Variants in ZNF627 observed in about 807,000 individuals in gnomAD.
ZNF627 encodes the protein zinc finger protein 627.
ZNF627 carries 12 observed loss-of-function variants against 10.6 expected under a neutral mutation model. The ratio of observed to expected loss-of-function variants is 1.13; its 90% CI spans 0.73 to 1.84. The LOEUF is 1.84. Ranked by LOEUF, ZNF627 falls within the 40% of genes most tolerant of loss-of-function variation. The probability of loss-of-function intolerance (pLI) is 0.00; values close to 1 mark genes in which losing one functional copy is unlikely to be tolerated. For missense variants in ZNF627, 504 were observed against 568.4 expected (o/e 0.89, Z 1.15); for synonymous variants, 176 against 187.1 (o/e 0.94, Z 0.48).
chr19:11,617,671 C>A lies in ZNF627; in HGVS notation c.1168C>A (p.Pro390Thr). The change falls in exon 4 of 4, where the codon CCC becomes ACC. Residue 390 changes from proline (P) to threonine (T), a missense_variant. By Grantham distance (38) the Pro-to-Thr change is conservative (BLOSUM62 -1). Coordinates refer to ENST00000361113, the MANE Select transcript of ZNF627 (RefSeq NM_145295.4). Reference protein sequence around the residue: ...KHERIHTGEKPYKCTKCGKAF... With the variant: ...KHERIHTGEKTYKCTKCGKAF... ...TGAAAGAATTCACACTGGAGAGAAA[C>A]CCTATAAATGTACAAAATGTGGGAA... 3.7e-6 allele frequency: 6 copies of A among 1,613,094 alleles called. No individual in the cohort carries two copies. Among genetic ancestry groups the A allele is most frequent in the East Asian group, 2.2e-5 (1 of 44,882 alleles).
rs1217206090 is a variant in ZNF627, at chr19:11,617,453, C to G, written c.950C>G (p.Thr317Ser). 1 of 1,613,694 alleles carries G rather than the reference C, an allele frequency of 6.2e-7. No homozygotes were observed. Among genetic ancestry groups the G allele is most frequent in the Non-Finnish European group, 8.5e-7 (1 of 1,179,960 alleles). The change falls in exon 4 of 4, where the codon ACT becomes AGT. Residue 317 changes from threonine to serine, a missense_variant. By Grantham distance (58) the Thr-to-Ser change is moderately conservative. Transcript: ENST00000361113. Reference protein sequence around the residue: ...FECKECGKALTCLASVRRHMI... With the variant: ...FECKECGKALSCLASVRRHMI... The stretch of plus-strand genomic sequence containing the variant: ...TGTAAGGAATGCGGGAAGGCTTTGA[C>G]TTGTCTTGCAAGTGTTAGAAGACAC...
In ZNF627 at chr19:11,599,893, C is replaced by G. The variant is rs1027927145; in HGVS notation, c.3+2263C>G. On this transcript the variant is annotated intron_variant, in intron 1 of 3. Coordinates refer to ENST00000361113, the MANE Select transcript of ZNF627 (RefSeq NM_145295.4). ...CTGCACCCCAGCCTGGGTGACAGAGCGAGACTCTGTCTCAAAAAAAAAGAT... is the reference window on the plus strand; with the variant it reads ...CTGCACCCCAGCCTGGGTGACAGAGGGAGACTCTGTCTCAAAAAAAAAGAT... 2.0e-5 allele frequency among the ~76,000 whole-genome samples: 3 copies of G among 151,870 alleles called. No individual in the cohort carries two copies. The East Asian group carries it at 5.8e-4, about 29-fold the overall frequency.
At chr19:11,614,467 T>A in intron 1 of ZNF627, 60 bp from the exon 2 acceptor site, 1 of 1,606,430 alleles carries the variant, frequency 6.2e-7, no homozygotes, top group Non-Finnish European at 8.5e-7. Context: ...GGGAATAAAG[T>A]CTAGGCCCCC....
chr19:11,600,057 A>G (rs1410146493), intron 1 of ZNF627, among the ~76,000 whole-genome samples: 1 of 152,220 alleles, frequency 6.6e-6, no homozygotes, highest in Non-Finnish European at 1.5e-5. Context: ...TTTCATCAGT[A>G]GACCTTGAAA....
chr19:11,616,448 C>T (rs557086417), intron 3 of ZNF627, among the ~76,000 whole-genome samples: 1 of 152,096 alleles, frequency 6.6e-6, no homozygotes, highest in East Asian at 1.9e-4. Context: ...GTACACTTTC[C>T]CTGGTAATGT....
chr19:11,597,687 C>T (rs555666679), intron 1 of ZNF627, 57 bp downstream of exon 1: 1 of 1,327,888 alleles, frequency 7.5e-7, no homozygotes, highest in African/African-American at 1.5e-5. Context: ...TTGGAACCGG[C>T]CGGAACCGGC....
At position 11,617,914 on chromosome 19, in the gene ZNF627, A is replaced by G. The variant is rs773130860; in HGVS notation, c.*25A>G. On this transcript the variant is annotated 3_prime_UTR_variant, in exon 4 of 4. Coordinates refer to ENST00000361113, the MANE Select transcript of ZNF627 (RefSeq NM_145295.4). The stretch of plus-strand genomic sequence containing the variant: ...AGCATGAAAGGAGTCACATAGAGAA[A>G]CCCCATGAAAGTAAGAAATTTGGGA... 2.0e-6 allele frequency: 3 copies of G among 1,494,338 alleles called. No homozygotes were observed. Among genetic ancestry groups the G allele is most frequent in the African/African-American group, 1.4e-5 (1 of 71,454 alleles). The allele number at this position is 1,494,338 out of a possible 1,614,324, so 92.6% of individuals were successfully genotyped here.
chr19:11,618,319 C>A lies in ZNF627; in HGVS notation c.*430C>A. On this transcript the variant is annotated 3_prime_UTR_variant, in exon 4 of 4. Transcript: ENST00000361113. ...TTGGGTTGCCAATCAAGAGTATCCT[C>A]AAAACGACTTGACTTTAATTTTCTC... The A allele has an allele frequency of 6.3e-6, 1 of 158,414 alleles. No individual in the cohort carries two copies. 9.8% of individuals were successfully genotyped at this position (158,414 alleles called of 1,614,324 possible).
At chr19:11,605,540 G>C (rs1218594564) in intron 1 of ZNF627, among the ~76,000 whole-genome samples, 1 of 152,106 alleles carries the variant, frequency 6.6e-6, no homozygotes, top group Non-Finnish European at 1.5e-5. Flanking sequence ...GCAAGGAGAA[G>C]TGCAGACTAA....
chr19:11,610,552 G>A (rs962759879), intron 1 of ZNF627, among the ~76,000 whole-genome samples: 7 of 152,086 alleles, frequency 4.6e-5, no homozygotes, highest in African/African-American at 7.2e-5. Context: ...GCAATAAGTC[G>A]TGATTACGCC....
At chr19:11,610,671 A>C (rs1351379765) in intron 1 of ZNF627, among the ~76,000 whole-genome samples, 22 of 151,700 alleles carry the variant, frequency 1.5e-4, no homozygotes, top group Non-Finnish European at 3.2e-4. Context: ...TTGAATCTGT[A>C]CTCCTGGTTT....
intron 1 of ZNF627, among the ~76,000 whole-genome samples, chr19:11,609,660 G>C (rs1226188372): frequency 6.6e-6 from 1 of 151,316 alleles, no homozygotes; most frequent in Admixed American, 6.6e-5. Flanking sequence ...TGGGATTACA[G>C]GCGCCTGCCA....
Position 11,610,711 on chromosome 19 carries a change from G to A in ZNF627, c.4-3816G>A, listed in dbSNP as rs182624985. Among the ~76,000 whole-genome samples the A allele has an allele frequency of 1.1e-4, 16 of 152,240 alleles. No individual in the cohort carries two copies. The East Asian group carries it at 1.7e-3, about 17-fold the overall frequency. The stretch of plus-strand genomic sequence containing the variant: ...TCCTCAGCTCTGGCCCCAATAGACT[G>A]TCCATTTGTATTGATTTTGCCTAAG... On this transcript the variant is annotated intron_variant, in intron 1 of 3. Transcript: ENST00000361113.
chr19:11,601,349 T>A (rs563811978), intron 1 of ZNF627, among the ~76,000 whole-genome samples: 2 of 152,222 alleles, frequency 1.3e-5, no homozygotes, highest in African/African-American at 2.4e-5. Flanking sequence ...TTATTTATTT[T>A]TTTTGTGTGT....
intron 1 of ZNF627, among the ~76,000 whole-genome samples, chr19:11,602,163 C>T (rs182289742): frequency 1.3e-5 from 2 of 151,770 alleles, no homozygotes; most frequent in African/African-American, 4.8e-5. Context: ...AAGGCAGTCT[C>T]TTCTTAGGAG....
intron 1 of ZNF627, 32 bp from the exon 2 acceptor site, chr19:11,614,495 C>A (rs759989930): frequency 3.1e-6 from 5 of 1,613,344 alleles, no homozygotes; most frequent in Non-Finnish European, 4.2e-6. Flanking sequence ...TCTGTCTCAA[C>A]CTTCCTCCTC....
chr19:11,607,860 A>G (rs1437323171), intron 1 of ZNF627, among the ~76,000 whole-genome samples: 1 of 151,738 alleles, frequency 6.6e-6, no homozygotes, highest in African/African-American at 2.4e-5. Flanking sequence ...AACTGTTCCA[A>G]CCCTTGCCTG....
In ZNF627 at chr19:11,597,643, G is replaced by A. The variant is rs751711146; in HGVS notation, c.3+13G>A. On this transcript the variant is annotated intron_variant, in intron 1 of 3. Coordinates refer to ENST00000361113, the MANE Select transcript of ZNF627 (RefSeq NM_145295.4). ...AAGCCGAGAAATGGTGCGTGTGAGG[G>A]GTCAGGCGTCCCCAGACCTGGGGGA... The A allele has an allele frequency of 3.1e-5, 41 of 1,337,414 alleles. No individual in the cohort carries two copies. Among genetic ancestry groups the A allele is most frequent in the East Asian group, 8.3e-5 (3 of 36,228 alleles). The allele number at this position is 1,337,414 out of a possible 1,614,324, so 82.8% of individuals were successfully genotyped here.
chr19:11,601,090 C>G (rs996388116), intron 1 of ZNF627, among the ~76,000 whole-genome samples: 3 of 152,124 alleles, frequency 2.0e-5, no homozygotes, highest in Non-Finnish European at 4.4e-5. Context: ...AAAGAGAGGA[C>G]ATTACAGGCC....
Sources: gnomAD v4.1 joint callset for allele counts (sites outside exome capture counted in the v4.1 genomes callset) on GRCh38, gnomAD v4.1.1 for gene constraint, MANE v1.5 for transcripts, NCBI Gene and HGNC (gene_info 2026-07-23, HGNC 2026-07-21) for gene names.